PDE3B: variants seen among roughly 807,000 people sequenced by gnomAD.
PDE3B encodes cGMP-inhibited 3',5'-cyclic phosphodiesterase 3B.
Under a neutral mutation model 116.8 loss-of-function variants are expected in PDE3B, and 66 were observed. That is an observed-to-expected ratio of 0.56 (90% CI 0.46 to 0.69). The LOEUF is 0.69. PDE3B is among the 30% of genes least tolerant of loss of function. The pLI, the probability that PDE3B is intolerant of heterozygous loss-of-function variation, is 0.00. For missense variants in PDE3B, 1,384 were observed against 1,368.1 expected (o/e 1.01, Z -0.18); for synonymous variants, 595 against 533.6 (o/e 1.12, Z -1.59).
At chr11:14,858,266 T>G (rs1847885242) in intron 12 of PDE3B, among the ~76,000 whole-genome samples, 3 of 7,720 alleles carry the variant, frequency 3.9e-4, no homozygotes. Flanking sequence ...AACTTGGCTG[T>G]AGAAGTTTTT....
intron 4 of PDE3B, among the ~76,000 whole-genome samples, chr11:14,802,999 A>T (rs966238073): frequency 6.6e-6 from 1 of 152,244 alleles, no homozygotes; most frequent in South Asian, 2.1e-4. Context: ...TCTTTGTGTA[A>T]GAGAAGAAAA....
At chr11:14,781,252 T>C (rs557224949) in intron 2 of PDE3B, among the ~76,000 whole-genome samples, 4 of 152,278 alleles carry the variant, frequency 2.6e-5, no homozygotes, top group East Asian at 1.9e-4. Flanking sequence ...GAGCTGGTAC[T>C]GTTCCTTCTG....
chr11:14,786,278 A>G (rs1858191783), intron 2 of PDE3B, among the ~76,000 whole-genome samples, 159 bp from the exon 3 acceptor site: 1 of 152,084 alleles, frequency 6.6e-6, no homozygotes, highest in African/African-American at 2.4e-5. Context: ...ATACCATTAA[A>G]TATAATGTGA....
intron 12 of PDE3B, among the ~76,000 whole-genome samples, chr11:14,856,825 G>A (rs1367552379): frequency 3.3e-5 from 5 of 149,954 alleles, no homozygotes; most frequent in African/African-American, 1.2e-4. Flanking sequence ...CTGCACTCTA[G>A]CCTGGGCAAC....
chr11:14,844,759 T>C (rs1252913743), intron 12 of PDE3B, among the ~76,000 whole-genome samples: 1 of 152,168 alleles, frequency 6.6e-6, no homozygotes, highest in Non-Finnish European at 1.5e-5. Context: ...GAGATCAAAC[T>C]GCAAGGCAGC....
intron 5 of PDE3B, among the ~76,000 whole-genome samples, chr11:14,804,446 A>G (rs1462283209): frequency 6.6e-6 from 1 of 152,086 alleles, no homozygotes; most frequent in African/African-American, 2.4e-5. Flanking sequence ...CTGGAAAAAC[A>G]TTATGATAGG....
intron 1 of PDE3B, among the ~76,000 whole-genome samples, chr11:14,759,277 G>A (rs1417479844): frequency 6.6e-6 from 1 of 152,116 alleles, no homozygotes; most frequent in Non-Finnish European, 1.5e-5. Context: ...AATGATGCTG[G>A]CCTCATAAAA....
intron 1 of PDE3B, among the ~76,000 whole-genome samples, chr11:14,758,841 G>A (rs1040998922): frequency 2.6e-5 from 4 of 151,650 alleles, no homozygotes; most frequent in South Asian, 2.1e-4. Context: ...TCCCTGTCTT[G>A]TGCCAGTTTT....
the PDE3B span, among the ~76,000 whole-genome samples, chr11:14,882,559 C>A: frequency 2.0e-5 from 3 of 152,102 alleles, no homozygotes; most frequent in Admixed American, 2.0e-4. Context: ...CTGGGCTCAC[C>A]CAAAGGGCAA....
chr11:14,793,316 G>A (rs1215774283), intron 4 of PDE3B, among the ~76,000 whole-genome samples: 1 of 152,084 alleles, frequency 6.6e-6, no homozygotes, highest in African/African-American at 2.4e-5. Flanking sequence ...GTATCTTGGG[G>A]ATACAACCCA....
chr11:14,835,142 A>C, intron 11 of PDE3B, 47 bp downstream of exon 11: 1 of 1,206,786 alleles, frequency 8.3e-7, no homozygotes. Flanking sequence ...AGGAATAGTA[A>C]ATCAAGCTTT....
chr11:14,734,504 C>CT (rs1856545616), intron 1 of PDE3B, among the ~76,000 whole-genome samples: 1 of 152,100 alleles, frequency 6.6e-6, no homozygotes, highest in South Asian at 2.1e-4. Flanking sequence ...TAAGATTTTG[C>CT]TTTTTTCTCT....
intron 1 of PDE3B, among the ~76,000 whole-genome samples, chr11:14,659,556 A>C: frequency 6.6e-6 from 1 of 152,216 alleles, no homozygotes; most frequent in East Asian, 1.9e-4. Context: ...AGGTTTGTAA[A>C]GGTAAACTTG....
the PDE3B span, chr11:14,879,533 A>C: frequency 9.7e-7 from 1 of 1,028,662 alleles, no homozygotes; most frequent in East Asian, 2.6e-5. Context: ...AGGATAACCT[A>C]TAACAAGCCA....
At chr11:14,759,029 G>A (rs1263600173) in intron 1 of PDE3B, among the ~76,000 whole-genome samples, 1 of 152,190 alleles carries the variant, frequency 6.6e-6, no homozygotes, top group Admixed American at 6.5e-5. Context: ...AGATAGTCAT[G>A]TGGTTTTTGT....
At chr11:14,753,260 C>G (rs1051833823) in intron 1 of PDE3B, among the ~76,000 whole-genome samples, 2 of 152,038 alleles carry the variant, frequency 1.3e-5, no homozygotes, top group African/African-American at 2.4e-5. Context: ...GAACCACATA[C>G]TTTATTAGTC....
intron 1 of PDE3B, among the ~76,000 whole-genome samples, chr11:14,758,079 G>C (rs1384790009): frequency 1.3e-5 from 2 of 151,702 alleles, no homozygotes; most frequent in Non-Finnish European, 3.0e-5. Context: ...CCCATTGCTT[G>C]TTTTTGTCAG....
the PDE3B span, among the ~76,000 whole-genome samples, chr11:14,897,711 C>G: frequency 6.6e-6 from 1 of 152,134 alleles, no homozygotes; most frequent in Non-Finnish European, 1.5e-5. Flanking sequence ...AGAGCATTTT[C>G]TGGGCCTGCA....
At chr11:14,846,176 G>A (rs1847597744) in intron 12 of PDE3B, among the ~76,000 whole-genome samples, 1 of 152,188 alleles carries the variant, frequency 6.6e-6, no homozygotes, top group South Asian at 2.1e-4. Context: ...GAGAGTGGGG[G>A]CCAATATTCA....
Sources: allele counts gnomAD v4.1 joint callset (sites outside exome capture counted in the v4.1 genomes callset), GRCh38; gene constraint gnomAD v4.1.1; transcripts MANE v1.5; gene names NCBI Gene and HGNC (gene_info 2026-07-23, HGNC 2026-07-21).